The following MALRD1 variants were observed in gnomAD, a reference collection of about 807,000 sequenced individuals.
The protein encoded by MALRD1 is MAM and LDL receptor class A domain containing 1.
A neutral mutation model predicts 242.1 loss-of-function variants in MALRD1; 247 were observed. The ratio of observed to expected loss-of-function variants is 1.02; its 90% CI spans 0.92 to 1.13. MALRD1 has a LOEUF of 1.13. MALRD1 is among the 50% of genes most tolerant of loss of function. The pLI, the probability that MALRD1 is intolerant of heterozygous loss-of-function variation, is 0.00. For synonymous variants in MALRD1, 995 were observed against 866.6 expected, an observed-to-expected ratio of 1.15 and a Z score of -2.60; for missense variants, 2,989 against 2,533.1, an observed-to-expected ratio of 1.18 and a Z score of -3.86.
intron 4 of MALRD1, 60 bp downstream of exon 4, chr10:19,088,245 C>T: frequency 8.3e-7 from 1 of 1,209,358 alleles, no homozygotes; most frequent in Non-Finnish European, 1.0e-6. Flanking sequence ...AGATCTTTAA[C>T]ACCAGGTGAA....
At chr10:19,165,974 T>A (rs1322265008) in intron 13 of MALRD1, among the ~76,000 whole-genome samples, 164 bp downstream of exon 13, 3 of 145,356 alleles carry the variant, frequency 2.1e-5, no homozygotes, top group Admixed American at 7.2e-5. Context: ...TCCTTTCAGA[T>A]AACAAAATAA....
chr10:19,288,819 C>T (rs1156575549), intron 21 of MALRD1, among the ~76,000 whole-genome samples: 1 of 152,036 alleles, frequency 6.6e-6, no homozygotes, highest in Non-Finnish European at 1.5e-5. Context: ...CTTCACAACC[C>T]CCAGACTCTG....
At chr10:19,268,760 T>C (rs1398557497) in intron 19 of MALRD1, among the ~76,000 whole-genome samples, 2 of 152,178 alleles carry the variant, frequency 1.3e-5, no homozygotes, top group Non-Finnish European at 2.9e-5. Flanking sequence ...GGGAGGGAAG[T>C]CTAGTATAAA....
At position 19,307,981 on chromosome 10, in the gene MALRD1, A is replaced by T. The variant is rs182489578; in HGVS notation, c.3420-15968A>T. Among the ~76,000 whole-genome samples the T allele has an allele frequency of 1.1e-4, 17 of 151,680 alleles. No individual in the cohort carries two copies. The East Asian group carries it at 3.1e-3, about 28-fold the overall frequency. The stretch of plus-strand genomic sequence containing the variant: ...GGCATGAAATGAGAAATCACGTCAT[A>T]GAGAATGGGGTATCCATTCCTTCAA... On this transcript the variant is annotated intron_variant, in intron 21 of 39. Coordinates refer to ENST00000454679, the MANE Select transcript of MALRD1 (RefSeq NM_001142308.3).
chr10:19,085,985 G>A (rs914057278), intron 2 of MALRD1, among the ~76,000 whole-genome samples: 1 of 151,902 alleles, frequency 6.6e-6, no homozygotes, highest in Non-Finnish European at 1.5e-5. Context: ...TATTTGATTA[G>A]TCACTTGCTT....
chr10:19,569,392 A>T (rs1339236727), intron 33 of MALRD1, among the ~76,000 whole-genome samples: 9 of 151,790 alleles, frequency 5.9e-5, no homozygotes, highest in Non-Finnish European at 8.8e-5. Flanking sequence ...CCATTTTGTG[A>T]TAAATTCCTT....
intron 23 of MALRD1, 74 bp downstream of exon 23, chr10:19,327,747 C>G: frequency 8.3e-7 from 1 of 1,200,196 alleles, no homozygotes; most frequent in Non-Finnish European, 1.2e-6. Flanking sequence ...TCCTTCTCTA[C>G]TCACAGTCTT....
At chr10:19,503,498 G>T (rs891284614) in intron 31 of MALRD1, among the ~76,000 whole-genome samples, 1 of 152,208 alleles carries the variant, frequency 6.6e-6, no homozygotes, top group Non-Finnish European at 1.5e-5. Flanking sequence ...ACAAACATCA[G>T]TCGACTCTCT....
At chr10:19,277,289 G>A (rs1840578692) in intron 19 of MALRD1, among the ~76,000 whole-genome samples, 3 of 152,120 alleles carry the variant, frequency 2.0e-5, no homozygotes, top group Admixed American at 2.0e-4. Context: ...TGATCTTGGG[G>A]AATAGAATGC....
chr10:19,282,859 A>G (rs1265595910), intron 20 of MALRD1, among the ~76,000 whole-genome samples, 160 bp from the exon 21 acceptor site: 1 of 151,894 alleles, frequency 6.6e-6, no homozygotes, highest in Non-Finnish European at 1.5e-5. Flanking sequence ...TTTCTTTGAA[A>G]CTCTTCCAGT....
chr10:19,347,278 A>C (rs1363923277), intron 24 of MALRD1, among the ~76,000 whole-genome samples: 3 of 152,158 alleles, frequency 2.0e-5, no homozygotes, highest in East Asian at 1.9e-4. Flanking sequence ...AAGCTCATTC[A>C]AATTATCACA....
intron 18 of MALRD1, among the ~76,000 whole-genome samples, chr10:19,248,347 G>T (rs1026553044): frequency 1.3e-5 from 2 of 150,850 alleles, no homozygotes; most frequent in Non-Finnish European, 2.9e-5. Flanking sequence ...TGTTCCTCTT[G>T]TAAGGGTCCA....
intron 18 of MALRD1, among the ~76,000 whole-genome samples, chr10:19,227,968 C>T (rs558083444): frequency 5.9e-5 from 9 of 152,278 alleles, no homozygotes; most frequent in African/African-American, 1.9e-4. Flanking sequence ...GACCATACCA[C>T]ATGATGTGAA....
At chr10:19,097,456 TA>T (rs1211705189) in intron 4 of MALRD1, among the ~76,000 whole-genome samples, 3 of 152,218 alleles carry the variant, frequency 2.0e-5, no homozygotes, top group Non-Finnish European at 4.4e-5. Flanking sequence ...TGCTGCTGAT[TA>T]ATCGCAATCA....
chr10:19,179,921 T>C (rs1835429069), intron 14 of MALRD1, among the ~76,000 whole-genome samples: 1 of 152,270 alleles, frequency 6.6e-6, no homozygotes, highest in Middle Eastern at 3.4e-3. Context: ...CTCCATTCTT[T>C]CTGCTTTCTA....
At chr10:19,047,545 A>C (rs1321297076), upstream of MALRD1, among the ~76,000 whole-genome samples, 2 of 152,138 alleles carry the variant, frequency 1.3e-5, no homozygotes, top group Non-Finnish European at 2.9e-5. Flanking sequence ...TGGAACTATA[A>C]GGATAGTCAG....
intron 19 of MALRD1, among the ~76,000 whole-genome samples, chr10:19,263,264 G>A (rs987822080): frequency 2.6e-5 from 4 of 152,186 alleles, no homozygotes; most frequent in Non-Finnish European, 5.9e-5. Flanking sequence ...CTACCAACGG[G>A]TATAAGTGTT....
chr10:19,097,362 A>G (rs942914735), intron 4 of MALRD1, among the ~76,000 whole-genome samples: 1 of 152,172 alleles, frequency 6.6e-6, no homozygotes, highest in East Asian at 1.9e-4. Flanking sequence ...CCCAACCTCT[A>G]GTTTGGTCAA....
intron 28 of MALRD1, among the ~76,000 whole-genome samples, chr10:19,403,813 A>C (rs554789864): frequency 1.3e-5 from 2 of 152,222 alleles, no homozygotes; most frequent in East Asian, 3.9e-4. Context: ...TAGTCTTTTT[A>C]GCGTTTGTTT....
Sources: gnomAD v4.1 joint callset for allele counts (sites outside exome capture counted in the v4.1 genomes callset) on GRCh38, gnomAD v4.1.1 for gene constraint, MANE v1.5 for transcripts, NCBI Gene and HGNC (gene_info 2026-07-23, HGNC 2026-07-21) for gene names.